The following LYRM4 variants were observed in gnomAD, a reference collection of about 807,000 sequenced individuals.
LYRM4 encodes the protein LYR motif containing 4, also known as LYR motif-containing protein 4.
A neutral mutation model predicts 11.7 loss-of-function variants in LYRM4; 9 were observed. That is an observed-to-expected ratio of 0.77 (90% confidence interval 0.46 to 1.34). The LOEUF (loss-of-function observed/expected upper bound fraction) is 1.34. Ranked by LOEUF, LYRM4 falls within the 40% of genes most tolerant of loss-of-function variation. The pLI is 0.00. For synonymous variants in LYRM4, 42 were observed against 40.4 expected (o/e 1.04, Z -0.15); for missense variants, 133 against 112.5 (o/e 1.18, Z -0.82).
rs182818165 is a variant in LYRM4, at chr6:5,161,796, G to A, written c.208-52305C>T. ...CTCCTGATCAGTGTAGTAGGGCTGA[G>A]GAGAAGGAAAGACGAAGGGACACAT... On this transcript the variant is annotated intron_variant, in intron 2 of 2. Coordinates refer to ENST00000330636, the MANE Select transcript of LYRM4 (RefSeq NM_020408.6). Among the ~76,000 whole-genome samples, 3 of 152,298 alleles carry A rather than the reference G, an allele frequency of 2.0e-5. No individual in the cohort carries two copies. In the East Asian group the frequency reaches 5.8e-4, roughly 29 times the overall value.
chr6:5,110,193 A>G (rs1385920026), intron 2 of LYRM4, among the ~76,000 whole-genome samples: 1 of 152,198 alleles, frequency 6.6e-6, no homozygotes, highest in Non-Finnish European at 1.5e-5. Context: ...TACATTTTTA[A>G]GAACAAGTGG....
chr6:5,214,598 A>C (rs1762164207), intron 2 of LYRM4, among the ~76,000 whole-genome samples: 1 of 152,214 alleles, frequency 6.6e-6, no homozygotes, highest in South Asian at 2.1e-4. Context: ...CCCGGAGGAC[A>C]GGTCAGAAGG....
At chr6:5,245,127 T>TA (rs1764125275) in intron 1 of LYRM4, among the ~76,000 whole-genome samples, 1 of 50,860 alleles carries the variant, frequency 2.0e-5, no homozygotes, top group South Asian at 8.4e-4. Context: ...TATATATATA[T>TA]ATATATATAT....
chr6:5,133,821 A>C (rs1764065674), intron 2 of LYRM4, among the ~76,000 whole-genome samples: 1 of 152,110 alleles, frequency 6.6e-6, no homozygotes, highest in African/African-American at 2.4e-5. Flanking sequence ...TTCTGTTTCT[A>C]TGGGTTTCCG....
At chr6:5,118,101 T>TTTG (rs749472370) in intron 2 of LYRM4, among the ~76,000 whole-genome samples, 3,444 of 54,574 alleles carry the variant, frequency 0.063, 41 homozygotes, top group East Asian at 0.32. Context: ...TATATTTTTG[T>TTTG]TTTGTTTTGT....
the LYRM4 span, among the ~76,000 whole-genome samples, chr6:5,041,102 T>C: frequency 2.0e-5 from 3 of 151,920 alleles, no homozygotes; most frequent in African/African-American, 7.3e-5. Flanking sequence ...GAGGTGGAGG[T>C]TGCAGTGAGT....
At chr6:5,235,085 C>A (rs1029771825) in intron 1 of LYRM4, among the ~76,000 whole-genome samples, 5 of 152,160 alleles carry the variant, frequency 3.3e-5, no homozygotes, top group Non-Finnish European at 5.9e-5. Flanking sequence ...CCCTTTCCAT[C>A]ATTACTTCCC....
chr6:5,086,741 C>T, the LYRM4 span: 2 of 613,830 alleles, frequency 3.3e-6, no homozygotes, highest in South Asian at 4.1e-5. Flanking sequence ...GACAAGTGAG[C>T]GAGCTTAGAG....
chr6:5,108,915 C>A lies in LYRM4; in HGVS notation c.*508G>T. 5 of 994,172 alleles carry A rather than the reference C, an allele frequency of 5.0e-6. No homozygotes were observed. Among genetic ancestry groups the A allele is most frequent in the Non-Finnish European group, 6.0e-6 (5 of 834,438 alleles). The allele number at this position is 994,172 out of a possible 1,614,324, so 61.6% of individuals were successfully genotyped here. A position where few individuals can be genotyped will look rare whatever the true frequency, so the allele number is the denominator to read the frequency against. The stretch of plus-strand genomic sequence containing the variant: ...GTAGCCCTGCCCTACTCCATGCTGC[C>A]CCCAGTCTCAAGTGGTGCTTGAACT... On this transcript the variant is annotated 3_prime_UTR_variant, in exon 3 of 3. Coordinates refer to ENST00000330636, the MANE Select transcript of LYRM4 (RefSeq NM_020408.6).
the LYRM4 span, chr6:5,066,612 T>G: frequency 8.4e-7 from 1 of 1,193,146 alleles, no homozygotes; most frequent in Non-Finnish European, 1.2e-6. Context: ...TTTGTCACTT[T>G]CAAGGGCAAC....
chr6:5,197,371 T>G (rs1761119140), intron 2 of LYRM4, among the ~76,000 whole-genome samples: 2 of 152,084 alleles, frequency 1.3e-5, no homozygotes, highest in African/African-American at 4.8e-5. Flanking sequence ...GGGTAATATC[T>G]TAGAATAGAT....
chr6:5,114,006 A>T (rs1010498569), intron 2 of LYRM4, among the ~76,000 whole-genome samples: 3 of 152,230 alleles, frequency 2.0e-5, no homozygotes, highest in African/African-American at 7.2e-5. Context: ...GTCAGTGCAC[A>T]TCTAGAAGTT....
chr6:5,234,365 T>G (rs1048128457), intron 1 of LYRM4, among the ~76,000 whole-genome samples: 2 of 152,196 alleles, frequency 1.3e-5, no homozygotes, highest in Non-Finnish European at 2.9e-5. Context: ...ACTCCTGCGC[T>G]CCTCCACAGA....
intron 1 of LYRM4, 33 bp from the exon 2 acceptor site, chr6:5,216,771 T>C (rs1443127432): frequency 1.2e-6 from 2 of 1,601,640 alleles, no homozygotes; most frequent in South Asian, 2.2e-5. Flanking sequence ...AAAGAAAAGG[T>C]GTCAGCGTGT....
chr6:5,044,026 C>T, the LYRM4 span, among the ~76,000 whole-genome samples: 1 of 152,212 alleles, frequency 6.6e-6, no homozygotes, highest in South Asian at 2.1e-4. Flanking sequence ...ACACCTTCCT[C>T]TTGGGAACTG....
At chr6:5,180,610 T>C (rs1760014441) in intron 2 of LYRM4, among the ~76,000 whole-genome samples, 1 of 152,222 alleles carries the variant, frequency 6.6e-6, no homozygotes, top group African/African-American at 2.4e-5. Context: ...GAGCTTGCTC[T>C]TCCTCAACAT....
rs1765039519 is a variant in LYRM4 at position 5,260,763 on chromosome 6, T to C, written c.-30A>G. 1.3e-6 allele frequency: 2 copies of C among 1,539,080 alleles called. No homozygotes were observed. Among genetic ancestry groups the C allele is most frequent in the Middle Eastern group, 1.7e-4 (1 of 5,818 alleles). ...GAAAGAAAAAAAAATAAACGGGTCC[T>C]CTTCGCCGAGGTCCCAAGTACGACC... On this transcript the variant is annotated 5_prime_UTR_variant, in exon 1 of 3. Coordinates refer to ENST00000330636, the MANE Select transcript of LYRM4 (RefSeq NM_020408.6).
At chr6:5,128,500 C>G (rs1763797399) in intron 2 of LYRM4, among the ~76,000 whole-genome samples, 1 of 152,214 alleles carries the variant, frequency 6.6e-6, no homozygotes, top group South Asian at 2.1e-4. Flanking sequence ...GGCTGCCTGG[C>G]TGACAGATGG....
the LYRM4 span, among the ~76,000 whole-genome samples, chr6:5,036,553 C>T: frequency 3.9e-5 from 6 of 152,234 alleles, no homozygotes; most frequent in South Asian, 2.1e-4. Context: ...TGTCCTGACT[C>T]GTTACTTCTA....
Sources: gnomAD v4.1 joint callset for allele counts (sites outside exome capture counted in the v4.1 genomes callset) on GRCh38, gnomAD v4.1.1 for gene constraint, MANE v1.5 for transcripts, NCBI Gene and HGNC (gene_info 2026-07-23, HGNC 2026-07-21) for gene names.